Variants in TMEM87B observed in about 807,000 individuals in gnomAD.
TMEM87B encodes transmembrane protein 87B.
TMEM87B carries 83 observed loss-of-function variants against 80.3 expected under a neutral mutation model. The observed-to-expected ratio is 1.03, with a 90% CI of 0.87 to 1.24. The LOEUF (loss-of-function observed/expected upper bound fraction) is 1.24. Ranked by LOEUF, TMEM87B falls within the 50% of genes most tolerant of loss-of-function variation. TMEM87B has a pLI of 0.00. For missense variants in TMEM87B, 625 were observed against 674.4 expected, an observed-to-expected ratio of 0.93 and a Z score of 0.81; for synonymous variants, 219 against 230.5, an observed-to-expected ratio of 0.95 and a Z score of 0.45.
At position 112,097,302 on chromosome 2, in the gene TMEM87B, C is replaced by T; in HGVS notation, c.1272+11C>T. 1 of 1,581,260 alleles carries T rather than the reference C, an allele frequency of 6.3e-7. No individual in the cohort carries two copies. On this transcript the variant is annotated intron_variant, in intron 13 of 18. Coordinates refer to ENST00000283206, the MANE Select transcript of TMEM87B (RefSeq NM_032824.3). ...GCAAAATGCCAATCAGTAAGTATAA[C>T]CTTCCTATTTAAACAGTTATTTTTA...
intron 17 of TMEM87B, 38 bp from the exon 18 acceptor site, chr2:112,112,861 T>G: frequency 6.2e-7 from 1 of 1,605,648 alleles, no homozygotes. Context: ...GGCCTTACTG[T>G]TAACAACATT....
At chr2:112,082,998 G>A (rs184890029) in intron 8 of TMEM87B, among the ~76,000 whole-genome samples, 45 of 152,314 alleles carry the variant, frequency 3.0e-4, no homozygotes, top group African/African-American at 1.1e-3. Context: ...TAGGAGAGGT[G>A]GGCAGGAGCT....
intron 3 of TMEM87B, among the ~76,000 whole-genome samples, chr2:112,066,355 G>T (rs1245087106): frequency 6.6e-6 from 1 of 152,142 alleles, no homozygotes; most frequent in African/African-American, 2.4e-5. Flanking sequence ...ATCTATTACT[G>T]TTTTTATATA....
intron 9 of TMEM87B, 128 bp downstream of exon 9, chr2:112,086,232 GAACAC>G: frequency 1.6e-6 from 1 of 611,736 alleles, no homozygotes; most frequent in Non-Finnish European, 2.7e-6. Context: ...AAATCTACAA[GAACAC>G]ATTTTTAAAA....
At chr2:112,084,994 C>T (rs1573706135) in intron 8 of TMEM87B, among the ~76,000 whole-genome samples, 3 of 152,232 alleles carry the variant, frequency 2.0e-5, no homozygotes, top group Admixed American at 2.0e-4. Context: ...ATAAAAGCAG[C>T]CATAGACAAC....
intron 8 of TMEM87B, among the ~76,000 whole-genome samples, chr2:112,082,996 G>A (rs999655875): frequency 1.3e-5 from 2 of 152,340 alleles, no homozygotes; most frequent in South Asian, 2.1e-4. Context: ...AATAGGAGAG[G>A]TGGGCAGGAG....
At chr2:112,099,341 T>C (rs187056115) in intron 14 of TMEM87B, among the ~76,000 whole-genome samples, 40 of 152,114 alleles carry the variant, frequency 2.6e-4, no homozygotes, top group Admixed American at 7.9e-4. Flanking sequence ...GAAGTGCTCA[T>C]TGGAACATTT....
Position 112,116,181 on chromosome 2 carries a change from AC to A in TMEM87B, c.*39del. 1.3e-6 allele frequency: 2 copies of A among 1,562,862 alleles called. No individual in the cohort carries two copies. Among genetic ancestry groups the A allele is most frequent in the Non-Finnish European group, 1.8e-6 (2 of 1,142,164 alleles). On this transcript the variant is annotated 3_prime_UTR_variant, in exon 19 of 19. Transcript: ENST00000283206. ...TAAGAAATGTAGTTAAGCCTGAAGG[AC>A]TATCCTTCATCAAGACTGAAAGTGA...
At chr2:112,078,481 C>A (rs897740338) in intron 6 of TMEM87B, among the ~76,000 whole-genome samples, 4 of 152,184 alleles carry the variant, frequency 2.6e-5, no homozygotes, top group African/African-American at 9.7e-5. Context: ...TCCCTCCAGG[C>A]CTTTTGTAAG....
chr2:112,081,139 T>C, intron 7 of TMEM87B, 21 bp downstream of exon 7: 1 of 1,610,032 alleles, frequency 6.2e-7, no homozygotes, highest in Non-Finnish European at 8.5e-7. Context: ...CTCATCATTT[T>C]TTCCTTTTTA....
At position 112,086,045 on chromosome 2, in the gene TMEM87B, T is replaced by A; in HGVS notation, c.879T>A (p.Ile293=). Residue 293 remains isoleucine (I), a synonymous_variant, in exon 9 of 19, where the codon ATT becomes ATA. Transcript: ENST00000283206. ...TATTTGCGGAGTTGATTTCTGCGAT[T>A]AAGAGGACGTTGGCTCGCCTTCTCG... ...LLIFAELISA[I]KRTLARLLVI... 7 of 1,614,244 alleles carry A rather than the reference T, an allele frequency of 4.3e-6. No individual in the cohort carries two copies. The highest frequency in any genetic ancestry group is 5.9e-6 in the Non-Finnish European group (7 of 1,180,040).
At chr2:112,075,089 G>A (rs1678767918) in intron 5 of TMEM87B, 127 bp downstream of exon 5, 4 of 1,381,970 alleles carry the variant, frequency 2.9e-6, no homozygotes, top group Middle Eastern at 2.1e-4. Context: ...GAAGGAAAAG[G>A]AAACATTATT....
At chr2:112,062,886 G>C (rs112086853) in intron 2 of TMEM87B, among the ~76,000 whole-genome samples, 3 of 152,184 alleles carry the variant, frequency 2.0e-5, no homozygotes, top group Non-Finnish European at 2.9e-5. Flanking sequence ...CCAACTCTGT[G>C]TGAGCTCTGA....
At chr2:112,070,827 T>TC (rs1293253058) in intron 4 of TMEM87B, among the ~76,000 whole-genome samples, 11 of 151,926 alleles carry the variant, frequency 7.2e-5, no homozygotes, top group African/African-American at 2.7e-4. Flanking sequence ...TCTTTTTTTT[T>TC]TTTCTTTTTT....
intron 15 of TMEM87B, among the ~76,000 whole-genome samples, chr2:112,101,672 A>G (rs573777453): frequency 2.6e-5 from 4 of 152,310 alleles, no homozygotes; most frequent in African/African-American, 9.6e-5. Context: ...GGAGGCAGCA[A>G]AGGCAGACAT....
At position 112,055,418 on chromosome 2, in the gene TMEM87B, G is replaced by A. The variant is rs1678009923; in HGVS notation, c.-174G>A. On this transcript the variant is annotated 5_prime_UTR_variant, in exon 1 of 19. Transcript: ENST00000283206. The stretch of plus-strand genomic sequence containing the variant: ...TAAGCCCTGCCTCCCGGTCCTGGCC[G>A]GGTTTCCCAGAACTGCACGGCGCCT... 1.4e-6 allele frequency: 1 copy of A among 706,020 alleles called. No homozygotes were observed. The highest frequency in any genetic ancestry group is 2.2e-6 in the Non-Finnish European group (1 of 465,116). The allele number at this position is 706,020 out of a possible 1,614,324, so 43.7% of individuals were successfully genotyped here.
intron 15 of TMEM87B, among the ~76,000 whole-genome samples, chr2:112,105,417 AATT>A (rs1679739247): frequency 1.3e-5 from 2 of 152,308 alleles, no homozygotes; most frequent in African/African-American, 2.4e-5. Flanking sequence ...ATGAGGTAGA[AATT>A]ATTATTATCC....
chr2:112,069,083 T>G (rs924331069), intron 4 of TMEM87B, among the ~76,000 whole-genome samples: 1 of 149,780 alleles, frequency 6.7e-6, no homozygotes, highest in South Asian at 2.1e-4. Flanking sequence ...TCCCAGCTAC[T>G]CGGGAGGCTG....
In TMEM87B at chr2:112,070,391, A is replaced by G. The variant is rs192436689; in HGVS notation, c.450+3324A>G. Among the ~76,000 whole-genome samples the G allele has an allele frequency of 9.2e-5, 14 of 152,344 alleles. No individual in the cohort carries two copies. In the East Asian group the frequency reaches 2.5e-3, roughly 27 times the overall value. The stretch of plus-strand genomic sequence containing the variant: ...AGGGTCCAGTTTCAGTCTTCTGCAT[A>G]TGGCTAGCCAGTTATCCCAGCACCA... On this transcript the variant is annotated intron_variant, in intron 4 of 18. Transcript: ENST00000283206.
Sources: gnomAD v4.1 joint callset for allele counts (sites outside exome capture counted in the v4.1 genomes callset) on GRCh38, gnomAD v4.1.1 for gene constraint, MANE v1.5 for transcripts, NCBI Gene and HGNC (gene_info 2026-07-23, HGNC 2026-07-21) for gene names.